Variants in FSD1L observed in about 807,000 individuals in gnomAD.
FSD1L encodes the protein fibronectin type III and SPRY domain containing 1 like, also known as FSD1-like protein.
Under a neutral mutation model 71.6 loss-of-function variants are expected in FSD1L, and 45 were observed. That is an observed-to-expected ratio of 0.63 (90% CI 0.49 to 0.81). The LOEUF (loss-of-function observed/expected upper bound fraction) is 0.81, where lower values mean the gene tolerates loss of function less well. Ranked by LOEUF, FSD1L falls within the 30% of genes least tolerant of loss-of-function variation. The probability of loss-of-function intolerance (pLI) is 0.00; values close to 1 mark genes in which losing one functional copy is unlikely to be tolerated. For missense variants in FSD1L, 561 were observed against 618.1 expected (o/e 0.91, Z 0.98); for synonymous variants, 197 against 207.2 (o/e 0.95, Z 0.42).
At chr9:105,488,478 A>T (rs564756069) in intron 7 of FSD1L, among the ~76,000 whole-genome samples, 7 of 152,352 alleles carry the variant, frequency 4.6e-5, no homozygotes, top group African/African-American at 1.2e-4. Context: ...TAAGGCTACT[A>T]TAAACATCTG....
intron 10 of FSD1L, chr9:105,519,988 A>G: frequency 1.5e-6 from 2 of 1,372,900 alleles, no homozygotes; most frequent in Non-Finnish European, 1.9e-6. Context: ...ATCGGGGAGG[A>G]GTCGGCTCTG....
intron 10 of FSD1L, among the ~76,000 whole-genome samples, chr9:105,516,887 G>C (rs1834759730): frequency 6.6e-6 from 1 of 152,124 alleles, no homozygotes; most frequent in South Asian, 2.1e-4. Flanking sequence ...CAAACTAAAG[G>C]AGCATGTTCT....
intron 7 of FSD1L, among the ~76,000 whole-genome samples, chr9:105,495,750 G>A (rs912360678): frequency 6.6e-6 from 1 of 152,206 alleles, no homozygotes; most frequent in African/African-American, 2.4e-5. Flanking sequence ...CCCGAGGCGG[G>A]CAGATCACAA....
At chr9:105,534,861 GT>G (rs1329408829) in intron 11 of FSD1L, among the ~76,000 whole-genome samples, 4 of 152,136 alleles carry the variant, frequency 2.6e-5, no homozygotes, top group Non-Finnish European at 5.9e-5. Flanking sequence ...CCTCTGAAGC[GT>G]TTTATATTCA....
At chr9:105,461,693 A>G (rs969334182) in intron 2 of FSD1L, 78 bp downstream of exon 2, 5 of 820,622 alleles carry the variant, frequency 6.1e-6, no homozygotes, top group South Asian at 3.4e-5. Flanking sequence ...GTCTTTGACT[A>G]TACTCATTAA....
chr9:105,501,153 A>G (rs1833733596), intron 7 of FSD1L, among the ~76,000 whole-genome samples: 1 of 152,194 alleles, frequency 6.6e-6, no homozygotes, highest in Admixed American at 6.5e-5. Context: ...ATTTTTGCAC[A>G]CATTCAAGGT....
intron 10 of FSD1L, chr9:105,523,710 G>A (rs999437583): frequency 3.8e-6 from 6 of 1,596,078 alleles, no homozygotes; most frequent in Non-Finnish European, 5.1e-6. Flanking sequence ...TAAACTTATT[G>A]GTAATACAAT....
chr9:105,471,220 C>G (rs1407388508), intron 4 of FSD1L, among the ~76,000 whole-genome samples: 1 of 152,202 alleles, frequency 6.6e-6, no homozygotes, highest in Non-Finnish European at 1.5e-5. Flanking sequence ...CATTATGCAT[C>G]TTGATCAACC....
At chr9:105,463,552 G>A (rs973947783) in intron 2 of FSD1L, among the ~76,000 whole-genome samples, 1 of 152,180 alleles carries the variant, frequency 6.6e-6, no homozygotes, top group Admixed American at 6.5e-5. Flanking sequence ...TTAACTGTGT[G>A]TGGCTAGTGG....
intron 10 of FSD1L, among the ~76,000 whole-genome samples, chr9:105,515,483 C>T (rs979043577): frequency 3.3e-5 from 5 of 152,150 alleles, no homozygotes; most frequent in African/African-American, 9.7e-5. Flanking sequence ...CTGGGGTACC[C>T]GGTTCATCTC....
intron 7 of FSD1L, among the ~76,000 whole-genome samples, chr9:105,492,396 T>G (rs1833011309): frequency 6.6e-6 from 1 of 152,200 alleles, no homozygotes; most frequent in Non-Finnish European, 1.5e-5. Context: ...TCTTTTCTTC[T>G]TTATTAGTCT....
At chr9:105,489,033 A>C (rs369350627) in intron 7 of FSD1L, among the ~76,000 whole-genome samples, 1 of 152,070 alleles carries the variant, frequency 6.6e-6, no homozygotes, top group Non-Finnish European at 1.5e-5. Flanking sequence ...TATAATTGTT[A>C]TCTGTCAATT....
chr9:105,485,929 A>G lies in FSD1L; in HGVS notation c.586+1427A>G, dbSNP rs561250020. 6.6e-5 allele frequency among the ~76,000 whole-genome samples: 10 copies of G among 152,064 alleles called. No individual in the cohort carries two copies. In the South Asian group the frequency reaches 2.1e-3, roughly 32 times the overall value. ...AAGTGCTGGGATTACAGGCGTGAGC[A>G]CAAGTACTTTTTTTTTTGGAGTCTG... On this transcript the variant is annotated intron_variant, in intron 7 of 13. Coordinates refer to ENST00000481272, the MANE Select transcript of FSD1L (RefSeq NM_001145313.3).
intron 10 of FSD1L, among the ~76,000 whole-genome samples, chr9:105,515,773 A>C (rs1226681172): frequency 6.6e-6 from 1 of 151,064 alleles, no homozygotes; most frequent in African/African-American, 2.4e-5. Context: ...GCAGACACCA[A>C]ACTAGCTGCA....
chr9:105,472,123 G>A lies in FSD1L; in HGVS notation c.441+118G>A, dbSNP rs901273455. ...ATTTCTAATACTAATAAAGCCTTGG[G>A]GTTTCTTGATAAGTAAAATGCTGGC... is the stretch of plus-strand genomic sequence containing the variant. On this transcript the variant is annotated intron_variant, in intron 5 of 13. Transcript: ENST00000481272. 7 of 1,214,324 alleles carry A rather than the reference G, an allele frequency of 5.8e-6. No individual in the cohort carries two copies. The African/African-American group carries it at 9.6e-5, about 17-fold the overall frequency. The allele number at this position is 1,214,324 out of a possible 1,614,324, so 75.2% of individuals were successfully genotyped here.
intron 10 of FSD1L, chr9:105,513,753 A>G: frequency 4.4e-6 from 3 of 675,938 alleles, no homozygotes; most frequent in Non-Finnish European, 7.6e-6. Context: ...TCATAAGCTA[A>G]AATACTGCTC....
At chr9:105,481,187 T>TGTGTGTGTGG in intron 6 of FSD1L, among the ~76,000 whole-genome samples, 1 of 89,498 alleles carries the variant, frequency 1.1e-5, no homozygotes, top group East Asian at 6.7e-4. Flanking sequence ...GTGGTTCTTT[T>TGTGTGTGTGG]TTTTTTTTTT....
intron 10 of FSD1L, among the ~76,000 whole-genome samples, chr9:105,532,365 T>A (rs953679849): frequency 6.6e-6 from 1 of 152,246 alleles, no homozygotes; most frequent in African/African-American, 2.4e-5. Flanking sequence ...TGACAATGTT[T>A]GCAGTTTTAC....
At chr9:105,539,708 G>A (rs974007135) in intron 13 of FSD1L, among the ~76,000 whole-genome samples, 1 of 151,962 alleles carries the variant, frequency 6.6e-6, no homozygotes, top group Non-Finnish European at 1.5e-5. Flanking sequence ...GCACTGTATT[G>A]ACTTTTAATA....
Sources: allele counts gnomAD v4.1 joint callset (sites outside exome capture counted in the v4.1 genomes callset), GRCh38; gene constraint gnomAD v4.1.1; transcripts MANE v1.5; gene names NCBI Gene and HGNC (gene_info 2026-07-23, HGNC 2026-07-21).